The following SUPT3H variants were observed in gnomAD, a reference collection of about 807,000 sequenced individuals.
SUPT3H encodes the protein transcription initiation protein SPT3 homolog.
A neutral mutation model predicts 44.3 loss-of-function variants in SUPT3H; 44 were observed. The ratio of observed to expected loss-of-function variants is 0.99; its 90% CI spans 0.78 to 1.28. SUPT3H has a LOEUF of 1.28. SUPT3H is among the 50% of genes most tolerant of loss of function. SUPT3H has a pLI of 0.00. For synonymous variants in SUPT3H, 124 were observed against 125.6 expected (o/e 0.99, Z 0.09); for missense variants, 380 against 387.1 (o/e 0.98, Z 0.15).
At chr6:44,988,855 A>C (rs1017632612) in intron 6 of SUPT3H, among the ~76,000 whole-genome samples, 5 of 152,138 alleles carry the variant, frequency 3.3e-5, no homozygotes, top group Admixed American at 3.3e-4. Flanking sequence ...TCTTGGTACA[A>C]ATTAAACAAA....
At chr6:45,359,621 G>A (rs1429194748) in intron 2 of SUPT3H, among the ~76,000 whole-genome samples, 1 of 152,092 alleles carries the variant, frequency 6.6e-6, no homozygotes, top group Admixed American at 6.6e-5. Flanking sequence ...ACAAATACAA[G>A]CATCTAATAA....
At chr6:44,943,907 A>T (rs1293845553) in intron 9 of SUPT3H, among the ~76,000 whole-genome samples, 1 of 152,150 alleles carries the variant, frequency 6.6e-6, no homozygotes, top group Admixed American at 6.5e-5. Flanking sequence ...AGAACAGAAA[A>T]GAAAAATGAT....
chr6:45,128,535 T>TAA, intron 2 of SUPT3H, among the ~76,000 whole-genome samples: 1 of 43,598 alleles, frequency 2.3e-5, no homozygotes, highest in South Asian at 9.4e-4. Flanking sequence ...AAAAAAAAAA[T>TAA]ATATATATAT....
intron 2 of SUPT3H, among the ~76,000 whole-genome samples, chr6:45,175,148 ATT>A (rs1404032132): frequency 1.3e-5 from 2 of 151,792 alleles, no homozygotes; most frequent in Middle Eastern, 3.4e-3. Context: ...AATAAAAATT[ATT>A]TGTTTGTATA....
At chr6:45,020,403 C>T (rs1005606048) in intron 4 of SUPT3H, 143 bp downstream of exon 4, 7 of 587,194 alleles carry the variant, frequency 1.2e-5, no homozygotes, top group African/African-American at 1.9e-5. Flanking sequence ...CACATTTTGT[C>T]GTCCAAACCA....
intron 2 of SUPT3H, among the ~76,000 whole-genome samples, chr6:45,362,116 C>G (rs891155513): frequency 1.3e-5 from 2 of 152,164 alleles, no homozygotes; most frequent in Admixed American, 6.6e-5. Context: ...GTGATATTCA[C>G]CACCCAAATT....
chr6:45,009,192 T>G (rs993584818), intron 5 of SUPT3H, among the ~76,000 whole-genome samples: 2 of 152,192 alleles, frequency 1.3e-5, no homozygotes, highest in African/African-American at 4.8e-5. Flanking sequence ...ATCAGATATA[T>G]AAGAAAAATT....
At chr6:44,909,134 TGTGTGTGC>T (rs1256807268) in intron 10 of SUPT3H, among the ~76,000 whole-genome samples, 11 of 85,772 alleles carry the variant, frequency 1.3e-4, no homozygotes, top group African/African-American at 4.7e-4. Context: ...GGTGTGTGTG[TGTGTGTGC>T]GTGTGTGTGT....
rs73735260 is a variant in SUPT3H, at chr6:44,925,883, T to C, written c.912+6770A>G. Among the ~76,000 whole-genome samples the C allele has an allele frequency of 8.7e-3, 1,323 of 152,276 alleles. 23 individuals carry two copies. The highest frequency in any genetic ancestry group is 0.03 in the African/African-American group (1,245 of 41,564). ...CAAAAGCATTTGAATTTTTAGGTTGTGAAAAAAATATTCTTCAAACAAATG... is the reference window on the plus strand; with the variant it reads ...CAAAAGCATTTGAATTTTTAGGTTGCGAAAAAAATATTCTTCAAACAAATG... On this transcript the variant is annotated intron_variant, in intron 10 of 10. Coordinates refer to ENST00000371459, the MANE Select transcript of SUPT3H (RefSeq NM_003599.4).
At chr6:45,192,037 G>A (rs16873215) in intron 2 of SUPT3H, among the ~76,000 whole-genome samples, 17,976 of 152,004 alleles carry the variant, frequency 0.12, 1,246 homozygotes, top group African/African-American at 0.19. Context: ...CTGCTATGTC[G>A]AAAAGGGCAA....
intron 10 of SUPT3H, among the ~76,000 whole-genome samples, chr6:44,882,468 T>C (rs1484242581): frequency 6.6e-6 from 1 of 152,200 alleles, no homozygotes; most frequent in Non-Finnish European, 1.5e-5. Flanking sequence ...AAGGAGGAAT[T>C]GGTAACATTC....
At chr6:44,809,173 G>A (rs772699232), downstream of SUPT3H, 21 of 152,210 alleles carry the variant, frequency 1.4e-4, no homozygotes, top group Non-Finnish European at 3.1e-4. Flanking sequence ...TTAGTCTTGT[G>A]TTCACCCATG....
chr6:45,217,910 C>T (rs199804090), intron 2 of SUPT3H, among the ~76,000 whole-genome samples: 1 of 145,294 alleles, frequency 6.9e-6, no homozygotes, highest in Admixed American at 6.9e-5. Context: ...GAAAACAAAA[C>T]AAAAAAACAT....
intron 2 of SUPT3H, among the ~76,000 whole-genome samples, chr6:45,230,967 A>C (rs1241858087): frequency 2.0e-5 from 3 of 151,978 alleles, no homozygotes; most frequent in Admixed American, 6.6e-5. Flanking sequence ...CACTGCGCCC[A>C]GCCAATCTAT....
intron 3 of SUPT3H, among the ~76,000 whole-genome samples, chr6:45,093,846 A>G (rs1380284240): frequency 2.6e-5 from 4 of 152,134 alleles, no homozygotes; most frequent in Non-Finnish European, 4.4e-5. Flanking sequence ...ATTCACATAG[A>G]AAAAAACCTA....
chr6:45,048,221 CTT>C (rs67557043), intron 3 of SUPT3H, among the ~76,000 whole-genome samples: 18 of 88,210 alleles, frequency 2.0e-4, no homozygotes, highest in African/African-American at 8.1e-4. Flanking sequence ...TCTCTCTACT[CTT>C]TTTTTTTTTT....
Position 45,291,986 on chromosome 6 carries a change from A to G in SUPT3H, c.101+73215T>C, listed in dbSNP as rs148696399. On this transcript the variant is annotated intron_variant, in intron 2 of 10. Coordinates refer to ENST00000371459, the MANE Select transcript of SUPT3H (RefSeq NM_003599.4). ...AAGATTACTGCCTAGGCACACTGACATCAGGTTATCTAAAGTTAAGATGAA... is the reference window on the plus strand; with the variant it reads ...AAGATTACTGCCTAGGCACACTGACGTCAGGTTATCTAAAGTTAAGATGAA... Among the ~76,000 whole-genome samples the G allele has an allele frequency of 6.3e-3, 958 of 152,322 alleles. 14 individuals are homozygous for G. Among genetic ancestry groups the G allele is most frequent in the African/African-American group, 0.02 (836 of 41,572 alleles).
At chr6:44,997,238 A>G (rs1189682426) in intron 6 of SUPT3H, among the ~76,000 whole-genome samples, 1 of 151,842 alleles carries the variant, frequency 6.6e-6, no homozygotes, top group Non-Finnish European at 1.5e-5. Flanking sequence ...AAACAACATT[A>G]AGCCAATACA....
chr6:45,130,572 G>T (rs115897775), intron 2 of SUPT3H, among the ~76,000 whole-genome samples: 178 of 150,910 alleles, frequency 1.2e-3, no homozygotes, highest in African/African-American at 4.0e-3. Context: ...ACTTCCTACT[G>T]CATTTTTACT....
Sources: gnomAD v4.1 joint callset for allele counts (sites outside exome capture counted in the v4.1 genomes callset) on GRCh38, gnomAD v4.1.1 for gene constraint, MANE v1.5 for transcripts, NCBI Gene and HGNC (gene_info 2026-07-23, HGNC 2026-07-21) for gene names.